Variants in FNDC3A observed in about 807,000 individuals in gnomAD.
FNDC3A encodes the protein fibronectin type-III domain-containing protein 3A.
FNDC3A carries 32 observed loss-of-function variants against 148.9 expected under a neutral mutation model. That is an observed-to-expected ratio of 0.21 (90% confidence interval 0.16 to 0.29). The LOEUF (loss-of-function observed/expected upper bound fraction) is 0.29, where lower values mean the gene tolerates loss of function less well. Among genes scored for constraint, FNDC3A ranks in the 10% least tolerant of loss-of-function variants. The pLI, the probability that FNDC3A is intolerant of heterozygous loss-of-function variation, is 1.00. For missense variants in FNDC3A, 1,191 were observed against 1,452.8 expected, an observed-to-expected ratio of 0.82 and a Z score of 2.93; for synonymous variants, 472 against 473.6, an observed-to-expected ratio of 1.00 and a Z score of 0.04.
chr13:48,985,023 A>G (rs528719051), intron 1 of FNDC3A, among the ~76,000 whole-genome samples: 1 of 152,308 alleles, frequency 6.6e-6, no homozygotes, highest in East Asian at 1.9e-4. Flanking sequence ...TAAAATGACA[A>G]AACTTTTAAA....
intron 1 of FNDC3A, among the ~76,000 whole-genome samples, chr13:48,987,199 G>A (rs1314508744): frequency 2.0e-5 from 3 of 152,206 alleles, no homozygotes; most frequent in African/African-American, 2.4e-5. Flanking sequence ...GTTGCCTTTT[G>A]GCTCTAAAGG....
intron 8 of FNDC3A, 131 bp downstream of exon 8, chr13:49,146,066 G>A (rs956826134): frequency 7.9e-6 from 5 of 632,572 alleles, no homozygotes; most frequent in African/African-American, 7.6e-5. Flanking sequence ...GCTAATGATA[G>A]TGATTTCAAT....
chr13:49,032,835 C>G (rs1874223047), intron 2 of FNDC3A, among the ~76,000 whole-genome samples: 1 of 151,846 alleles, frequency 6.6e-6, no homozygotes, highest in Non-Finnish European at 1.5e-5. Flanking sequence ...ATACTAAAAA[C>G]CATGAAATTA....
chr13:49,207,253 C>G lies in FNDC3A; in HGVS notation c.3455C>G (p.Ala1152Gly), dbSNP rs1218414460. ...ATCTCTCAGAGGACTGAACCACCAGCCAGCACCAACAGAGACACTGTGGAA... is the reference window on the plus strand; with the variant it reads ...ATCTCTCAGAGGACTGAACCACCAGGCAGCACCAACAGAGACACTGTGGAA... ...LFISQRTEPP[A>G]STNRDTVEST... Residue 1152 changes from alanine (A) to glycine (G), a missense_variant, in exon 26 of 26, where the codon GCC (alanine) becomes GGC (glycine). Transcript: ENST00000492622. 6.2e-7 allele frequency: 1 copy of G among 1,614,080 alleles called. No individual in the cohort carries two copies. Among genetic ancestry groups the G allele is most frequent in the Non-Finnish European group, 8.5e-7 (1 of 1,180,034 alleles).
chr13:49,065,534 A>G (rs2137753732), intron 2 of FNDC3A, among the ~76,000 whole-genome samples: 1 of 152,328 alleles, frequency 6.6e-6, no homozygotes, highest in South Asian at 2.1e-4. Context: ...TTGTTCACCT[A>G]TATCAGCCTA....
rs1885493753 is a variant in FNDC3A, at chr13:49,185,001, A to G, written c.1618-963A>G. On this transcript the variant is annotated intron_variant, in intron 14 of 25. Transcript: ENST00000492622. Reference sequence around the variant, plus strand: ...TTTGAGGGGAGCGTCAGCAGTACCAAGATTTTTTGGGGCAGTTTGTCTCTA... The same window carrying G: ...TTTGAGGGGAGCGTCAGCAGTACCAGGATTTTTTGGGGCAGTTTGTCTCTA... Among the ~76,000 whole-genome samples the G allele has an allele frequency of 1.3e-5, 2 of 152,078 alleles. 1 individual carries two copies. Among genetic ancestry groups the G allele is most frequent in the South Asian group, 4.1e-4 (2 of 4,824 alleles).
chr13:49,123,117 C>T (rs1881467713), intron 4 of FNDC3A, among the ~76,000 whole-genome samples: 1 of 152,082 alleles, frequency 6.6e-6, no homozygotes. Context: ...TCTACAGTAA[C>T]CAAAACAGCA....
At chr13:49,019,321 C>T (rs1420592752) in intron 2 of FNDC3A, among the ~76,000 whole-genome samples, 2 of 152,248 alleles carry the variant, frequency 1.3e-5, no homozygotes, top group African/African-American at 2.4e-5. Flanking sequence ...GTTTTTTAAG[C>T]CCGTCGGAAA....
intron 3 of FNDC3A, among the ~76,000 whole-genome samples, chr13:49,101,106 A>G (rs74072712): frequency 6.6e-6 from 1 of 152,220 alleles, no homozygotes; most frequent in South Asian, 2.1e-4. Flanking sequence ...GAGAAGAAAC[A>G]AGGTTTGATT....
In FNDC3A at chr13:48,988,231, T is replaced by C. The variant is rs558647257; in HGVS notation, c.-40+12054T>C. ...GACTTTTAACACCCCACTGTCAGTA[T>C]TAGATCAACGAGACAGGAAATTAAC... On this transcript the variant is annotated intron_variant, in intron 1 of 25. Coordinates refer to ENST00000492622, the MANE Select transcript of FNDC3A (RefSeq NM_001079673.2). 1.7e-3 allele frequency among the ~76,000 whole-genome samples: 261 copies of C among 152,290 alleles called. 2 individuals carry two copies. Among genetic ancestry groups the C allele is most frequent in the South Asian group, 0.015 (71 of 4,824 alleles).
chr13:49,117,920 A>G (rs1355813798), intron 4 of FNDC3A, among the ~76,000 whole-genome samples: 1 of 152,136 alleles, frequency 6.6e-6, no homozygotes, highest in Non-Finnish European at 1.5e-5. Context: ...CTGCCTTTTA[A>G]TTATTTTTGT....
At chr13:49,064,400 C>CG (rs1173834692) in intron 2 of FNDC3A, among the ~76,000 whole-genome samples, 39 of 24,380 alleles carry the variant, frequency 1.6e-3, no homozygotes, top group African/African-American at 4.1e-3. Flanking sequence ...TATTGCCCCC[C>CG]GCCCCCCCCC....
intron 8 of FNDC3A, among the ~76,000 whole-genome samples, chr13:49,166,214 G>A: frequency 6.6e-6 from 1 of 152,224 alleles, no homozygotes; most frequent in Non-Finnish European, 1.5e-5. Context: ...CTTGCGCTTT[G>A]GCCCCAGCTG....
intron 2 of FNDC3A, 53 bp downstream of exon 2, chr13:49,006,342 C>A: frequency 2.0e-6 from 2 of 1,016,922 alleles, no homozygotes; most frequent in Non-Finnish European, 3.0e-6. Flanking sequence ...TGTATTTATG[C>A]AAAATTTAAA....
intron 2 of FNDC3A, among the ~76,000 whole-genome samples, chr13:49,039,188 G>A (rs527830339): frequency 1.3e-5 from 2 of 152,292 alleles, no homozygotes; most frequent in South Asian, 4.1e-4. Flanking sequence ...CCATTGGAAT[G>A]TAAACTAATA....
At chr13:49,011,163 TAGTC>T (rs548923801) in intron 2 of FNDC3A, among the ~76,000 whole-genome samples, 201 of 152,304 alleles carry the variant, frequency 1.3e-3, no homozygotes, top group Non-Finnish European at 2.1e-3. Context: ...CAAAAGTTCT[TAGTC>T]AGTCATAAGT....
chr13:49,175,396 C>T lies in FNDC3A; in HGVS notation c.1385C>T (p.Thr462Ile), dbSNP rs1367862704. The change falls in exon 13 of 26, where the codon ACC becomes ATC. Residue 462 changes from threonine (T) to isoleucine (I), a missense_variant. By Grantham distance (89) the Thr-to-Ile change is moderately conservative. This residue lies in a region of FNDC3A where 751 missense variants were observed against 944.0 expected (regional missense o/e 0.80). Coordinates refer to ENST00000492622, the MANE Select transcript of FNDC3A (RefSeq NM_001079673.2). ...TTTAGTGAAGAAGTCTTATATTACA[C>T]CTCAGGCTGTGCTCCTTCTATGCCA... is the stretch of plus-strand genomic sequence containing the variant. ...SGFSEEVLYY[T>I]SGCAPSMPAS... 6.2e-7 allele frequency: 1 copy of T among 1,605,034 alleles called. No individual in the cohort carries two copies. The highest frequency in any genetic ancestry group is 8.5e-7 in the Non-Finnish European group (1 of 1,176,320).
At chr13:49,182,510 A>C (rs1156796352) in intron 14 of FNDC3A, among the ~76,000 whole-genome samples, 1 of 151,654 alleles carries the variant, frequency 6.6e-6, no homozygotes, top group African/African-American at 2.4e-5. Context: ...TTTCTGAAAA[A>C]GTTTTTCAAG....
At chr13:49,127,383 C>G (rs143216813) in intron 4 of FNDC3A, among the ~76,000 whole-genome samples, 204 of 152,292 alleles carry the variant, frequency 1.3e-3, no homozygotes, top group African/African-American at 4.6e-3. Context: ...GCAGTTAGCT[C>G]TAATTCTTCT....
Sources: gnomAD v4.1 joint callset for allele counts (sites outside exome capture counted in the v4.1 genomes callset) on GRCh38, gnomAD v4.1.1 for gene constraint, gnomAD v4.1.1 regional missense constraint, MANE v1.5 for transcripts, NCBI Gene and HGNC (gene_info 2026-07-23, HGNC 2026-07-21) for gene names.